The following NPTN variants were observed in gnomAD, a reference collection of about 807,000 sequenced individuals.
NPTN encodes SDR-1.
A neutral mutation model predicts 42.7 loss-of-function variants in NPTN; 5 were observed. That is an observed-to-expected ratio of 0.12 (90% CI 0.06 to 0.25). The LOEUF (loss-of-function observed/expected upper bound fraction) is 0.25, where lower values mean the gene tolerates loss of function less well. NPTN is among the 10% of genes least tolerant of loss of function. The probability of loss-of-function intolerance (pLI) is 1.00; values close to 1 mark genes in which losing one functional copy is unlikely to be tolerated. For synonymous variants in NPTN, 180 were observed against 201.9 expected (o/e 0.89, Z 0.92); for missense variants, 307 against 525.4 (o/e 0.58, Z 4.06).
At chr15:73,619,767 AG>A (rs1281190325) in intron 1 of NPTN, among the ~76,000 whole-genome samples, 3 of 152,256 alleles carry the variant, frequency 2.0e-5, no homozygotes, top group African/African-American at 7.2e-5. Context: ...TCTATATTAA[AG>A]ATTTCAAATT....
intron 1 of NPTN, among the ~76,000 whole-genome samples, chr15:73,618,903 T>A (rs1006717788): frequency 3.3e-5 from 5 of 151,746 alleles, no homozygotes; most frequent in Non-Finnish European, 5.9e-5. Flanking sequence ...AAAAGTTTTT[T>A]AAAAAATTAG....
intron 4 of NPTN, among the ~76,000 whole-genome samples, chr15:73,586,611 A>G (rs952841086): frequency 5.3e-5 from 8 of 152,210 alleles, no homozygotes; most frequent in Non-Finnish European, 8.8e-5. Context: ...TTTTAGGAAG[A>G]CCTGAATACC....
Position 73,570,256 on chromosome 15 carries a change from G to A in NPTN, c.1008C>T (p.His336=). 2 of 1,614,246 alleles carry A rather than the reference G, an allele frequency of 1.2e-6. No homozygotes were observed. Among genetic ancestry groups the A allele is most frequent in the South Asian group, 2.2e-5 (2 of 91,090 alleles). Residue 336 remains histidine, a synonymous_variant, in exon 6 of 9, where the codon CAC becomes CAT. Coordinates refer to ENST00000345330, the MANE Select transcript of NPTN (RefSeq NM_012428.4). This position sits in a 1 kb window ranked among gnomAD's most constrained non-coding sequence, Gnocchi z 4.0. ...CCAAGAAAGGCCAGAGTGGGGCCAG[G>A]TGGCTCCGCACCCTGAGGACAGTGA... ...SVVTVLRVRS[H]LAPLWPFLGI...
In NPTN at chr15:73,605,111, G is replaced by GGGA. The variant is rs1555410813; in HGVS notation, c.92-7743_92-7742insTCC. Among the ~76,000 whole-genome samples, 29 of 140,572 alleles carry GGGA rather than the reference G, an allele frequency of 2.1e-4. 1 individual carries two copies. Among genetic ancestry groups the GGGA allele is most frequent in the African/African-American group, 8.3e-4 (29 of 35,148 alleles). The allele number at this position is 140,572 out of a possible 152,430, so 92.2% of individuals were successfully genotyped here. A position where few individuals can be genotyped will look rare whatever the true frequency, so the allele number is the denominator to read the frequency against. On this transcript the variant is annotated intron_variant, in intron 1 of 8. Transcript: ENST00000345330. ...AGACCCTGTCTCAAGGGGGGGGGGGGAAAAGAATGATCTAAACTAGTCCTG... is the reference window on the plus strand; with the variant it reads ...AGACCCTGTCTCAAGGGGGGGGGGGGGGAAAAAGAATGATCTAAACTAGTCCTG...
intron 4 of NPTN, among the ~76,000 whole-genome samples, chr15:73,578,600 A>T (rs1414820392): frequency 6.6e-6 from 1 of 152,204 alleles, no homozygotes; most frequent in East Asian, 1.9e-4. Context: ...GCTTAATCTT[A>T]GTTTGTTTTG....
chr15:73,631,362 A>C (rs1263197027), intron 1 of NPTN, among the ~76,000 whole-genome samples: 1 of 152,226 alleles, frequency 6.6e-6, no homozygotes, highest in Admixed American at 6.5e-5. Context: ...CTTAGAGGAA[A>C]ACAGGAAAAA....
At chr15:73,577,183 T>G (rs748589427) in intron 4 of NPTN, among the ~76,000 whole-genome samples, 8 of 152,198 alleles carry the variant, frequency 5.3e-5, no homozygotes, top group Non-Finnish European at 7.3e-5. Context: ...AGTAATGTTT[T>G]TCCCACACAA....
In NPTN at chr15:73,597,785, T is replaced by C. The variant is rs181456288; in HGVS notation, c.92-416A>G. On this transcript the variant is annotated intron_variant, in intron 1 of 8. Transcript: ENST00000345330. This position sits in a 1 kb window ranked among gnomAD's most constrained non-coding sequence, Gnocchi z 6.3. The stretch of plus-strand genomic sequence containing the variant: ...GATGAAAGATAACCAGAAGAGGCAG[T>C]AGTTTTATATGCCAAATCAGGATCT... Among the ~76,000 whole-genome samples the C allele has an allele frequency of 3.1e-3, 468 of 152,316 alleles. 5 individuals are homozygous for C. The highest frequency in any genetic ancestry group is 6.8e-3 in the Middle Eastern group (2 of 294).
intron 6 of NPTN, among the ~76,000 whole-genome samples, chr15:73,565,512 A>C (rs938163877): frequency 6.6e-5 from 10 of 152,232 alleles, no homozygotes; most frequent in African/African-American, 2.4e-4. Flanking sequence ...AGATTAAACA[A>C]ACTCCAAAAG....
rs1041272856 is a variant in NPTN at position 73,560,367 on chromosome 15, A to G, written c.*696T>C. The G allele has an allele frequency of 5.8e-5, 9 of 155,894 alleles. No individual in the cohort carries two copies. Among genetic ancestry groups the G allele is most frequent in the African/African-American group, 2.2e-4 (9 of 41,608 alleles). The allele number at this position is 155,894 out of a possible 1,614,324, so 9.7% of individuals were successfully genotyped here. On this transcript the variant is annotated 3_prime_UTR_variant, in exon 9 of 9. Coordinates refer to ENST00000345330, the MANE Select transcript of NPTN (RefSeq NM_012428.4). ...ATGAATTTACATGACTTAACAGAAG[A>G]AAAGATAATCACTTAAAAAGCAATC...
intron 1 of NPTN, among the ~76,000 whole-genome samples, chr15:73,625,456 C>G (rs748926006): frequency 6.6e-6 from 1 of 151,908 alleles, no homozygotes; most frequent in South Asian, 2.1e-4. Context: ...GCCTCAGCCC[C>G]GAGTAGCTGG....
rs750139690 is a variant in NPTN at position 73,592,105 on chromosome 15, T to A, written c.472A>T (p.Ile158Phe). 3.9e-5 allele frequency: 63 copies of A among 1,613,868 alleles called. No individual in the cohort carries two copies. The South Asian group carries it at 6.9e-4, about 18-fold the overall frequency. Reference sequence around the variant, plus strand: ...ACAGGGAGAACAGGGCTGTCTCGAATAATGACCTCTTCACTGGTGACAATC... The same window carrying A: ...ACAGGGAGAACAGGGCTGTCTCGAAAAATGACCTCTTCACTGGTGACAATC... ...PRIVTSEEVI[I>F]RDSPVLPVTL... is the part of the protein sequence containing the mutation. The change falls in exon 3 of 9, where the codon ATT becomes TTT. Residue 158 changes from isoleucine (I) to phenylalanine (F), a missense_variant. Physicochemically the swap from Ile to Phe is conservative, Grantham distance 21. Transcript: ENST00000345330.
intron 1 of NPTN, among the ~76,000 whole-genome samples, chr15:73,617,129 C>T (rs1897901435): frequency 6.6e-6 from 1 of 152,080 alleles, no homozygotes; most frequent in Non-Finnish European, 1.5e-5. Flanking sequence ...ACTATAAATA[C>T]CAAGATGAAT....
intron 1 of NPTN, among the ~76,000 whole-genome samples, chr15:73,613,114 T>C (rs1453486707): frequency 1.3e-5 from 2 of 152,202 alleles, no homozygotes; most frequent in Admixed American, 1.3e-4. Context: ...AGTGGAGATA[T>C]CCCAGAATAA....
chr15:73,565,697 A>G (rs1295898281), intron 6 of NPTN: 1 of 455,944 alleles, frequency 2.2e-6, no homozygotes, highest in Non-Finnish European at 4.4e-6. Flanking sequence ...CACTGGCTAG[A>G]TGAGAGGAAG....
intron 6 of NPTN, among the ~76,000 whole-genome samples, chr15:73,566,263 A>G (rs1468873268): frequency 6.6e-6 from 1 of 152,182 alleles, no homozygotes; most frequent in African/African-American, 2.4e-5. Flanking sequence ...ATATGCTACC[A>G]AATGTTTTGA....
In NPTN at chr15:73,633,231, A is replaced by G; in HGVS notation, c.-16T>C. On this transcript the variant is annotated 5_prime_UTR_variant, in exon 1 of 9. Coordinates refer to ENST00000345330, the MANE Select transcript of NPTN (RefSeq NM_012428.4). ...AACCCGACATCCTCCCTAGCAGAAG[A>G]CCCAACAGCGAATGGGCCGGGGCCA... The G allele has an allele frequency of 7.0e-7, 1 of 1,431,958 alleles. No individual in the cohort carries two copies. The highest frequency in any genetic ancestry group is 1.3e-5 in the South Asian group (1 of 77,698). 88.7% of individuals were successfully genotyped at this position (1,431,958 alleles called of 1,614,324 possible).
chr15:73,625,782 G>A (rs1172220171), intron 1 of NPTN, among the ~76,000 whole-genome samples: 7 of 152,062 alleles, frequency 4.6e-5, no homozygotes, highest in Admixed American at 4.6e-4. Context: ...AAATTAATAA[G>A]TAGCAAGGGT....
chr15:73,617,950 C>G (rs1308546771), intron 1 of NPTN, among the ~76,000 whole-genome samples: 2 of 152,180 alleles, frequency 1.3e-5, no homozygotes, highest in Non-Finnish European at 2.9e-5. Flanking sequence ...AGTCTGACTA[C>G]CCCTAGCACC....
Sources: gnomAD v4.1 joint callset for allele counts (sites outside exome capture counted in the v4.1 genomes callset) on GRCh38, gnomAD v4.1.1 for gene constraint, Gnocchi (gnomAD v3.1) non-coding constraint, MANE v1.5 for transcripts, NCBI Gene and HGNC (gene_info 2026-07-23, HGNC 2026-07-21) for gene names.